Variants in ZXDC observed in about 807,000 individuals in gnomAD.
ZXDC encodes zinc finger protein ZXDC.
Under a neutral mutation model 63.6 loss-of-function variants are expected in ZXDC, and 58 were observed. The ratio of observed to expected loss-of-function variants is 0.91; its 90% CI spans 0.74 to 1.13. ZXDC has a LOEUF of 1.13. Ranked by LOEUF, ZXDC falls within the 50% of genes most tolerant of loss-of-function variation. The pLI is 0.00. For missense variants in ZXDC, 1,133 were observed against 1,148.9 expected (o/e 0.99, Z 0.20); for synonymous variants, 561 against 496.1 (o/e 1.13, Z -1.74).
At position 126,442,684 on chromosome 3, in the gene ZXDC, A is replaced by G. The variant is rs574936214; in HGVS notation, c.2213-738T>C. On this transcript the variant is annotated intron_variant, in intron 7 of 9. Coordinates refer to ENST00000389709, the MANE Select transcript of ZXDC (RefSeq NM_025112.5). Reference sequence around the variant, plus strand: ...CTCGGAAGGTTTTGGAGAGGATTTCATAGGAAATATGTGATCAAAACTTAG... The same window carrying G: ...CTCGGAAGGTTTTGGAGAGGATTTCGTAGGAAATATGTGATCAAAACTTAG... 3.9e-5 allele frequency: 6 copies of G among 152,276 alleles called. No homozygotes were observed. The South Asian group carries it at 1.0e-3, about 26-fold the overall frequency. The allele number at this position is 152,276 out of a possible 1,614,324, so 9.4% of individuals were successfully genotyped here.
At chr3:126,440,436 C>A (rs1362752722) in intron 8 of ZXDC, 8 of 985,374 alleles carry the variant, frequency 8.1e-6, no homozygotes, top group Non-Finnish European at 9.6e-6. Context: ...ACCAAGACTA[C>A]GCTAGCTGGT....
At chr3:126,470,761 T>A in intron 4 of ZXDC, 134 bp downstream of exon 4, 3 of 1,296,000 alleles carry the variant, frequency 2.3e-6, no homozygotes, top group South Asian at 1.4e-5. Context: ...ATGAGGTAAG[T>A]AAACATAATG....
chr3:126,472,097 A>G (rs1935001094), intron 2 of ZXDC, 46 bp from the exon 3 acceptor site: 1 of 1,609,620 alleles, frequency 6.2e-7, no homozygotes, highest in South Asian at 1.1e-5. Flanking sequence ...CAACTCCAAC[A>G]GCTACGATGA....
At chr3:126,467,725 A>G (rs1221732876) in intron 4 of ZXDC, among the ~76,000 whole-genome samples, 1 of 152,172 alleles carries the variant, frequency 6.6e-6, no homozygotes, top group Non-Finnish European at 1.5e-5. Flanking sequence ...GCAAGCGCGC[A>G]GTTTCCTCTG....
Position 126,464,385 on chromosome 3 carries a change from G to A in ZXDC, c.1441+1770C>T, listed in dbSNP as rs142311928. Among the ~76,000 whole-genome samples, 1,423 of 152,220 alleles carry A rather than the reference G, an allele frequency of 9.3e-3. 11 individuals are homozygous for A. Among genetic ancestry groups the A allele is most frequent in the Admixed American group, 0.016 (249 of 15,296 alleles). Reference sequence around the variant, plus strand: ...AAAGCAGTGAGGAACCCACTCCCAGGACCACCATTAGGGGGACTGAAACAA... The same window carrying A: ...AAAGCAGTGAGGAACCCACTCCCAGAACCACCATTAGGGGGACTGAAACAA... On this transcript the variant is annotated intron_variant, in intron 5 of 9. Coordinates refer to ENST00000389709, the MANE Select transcript of ZXDC (RefSeq NM_025112.5).
chr3:126,445,371 G>A (rs1416928292), intron 7 of ZXDC, among the ~76,000 whole-genome samples: 4 of 151,840 alleles, frequency 2.6e-5, no homozygotes, highest in South Asian at 2.1e-4. Context: ...ACATCTCAGC[G>A]TCCACCCCTA....
intron 7 of ZXDC, chr3:126,457,222 GTGA>G (rs2107642859): frequency 1.0e-6 from 1 of 979,084 alleles, no homozygotes; most frequent in East Asian, 1.1e-4. Context: ...ACTCTCAGCT[GTGA>G]TAAATGCAGC....
chr3:126,473,727 A>C (rs1935067733), intron 1 of ZXDC, among the ~76,000 whole-genome samples: 1 of 152,160 alleles, frequency 6.6e-6, no homozygotes, highest in African/African-American at 2.4e-5. Flanking sequence ...TTCTCATCTC[A>C]TCCTTTAAAA....
At position 126,462,182 on chromosome 3, in the gene ZXDC, G is replaced by C. The variant is rs1402869493; in HGVS notation, c.1480C>G (p.Pro494Ala). 1 of 1,606,436 alleles carries C rather than the reference G, an allele frequency of 6.2e-7. No homozygotes were observed. The highest frequency in any genetic ancestry group is 1.1e-5 in the South Asian group (1 of 90,760). Residue 494 changes from proline to alanine, a missense_variant, in exon 6 of 10, where the codon CCC (proline) becomes GCC (alanine). Coordinates refer to ENST00000389709, the MANE Select transcript of ZXDC (RefSeq NM_025112.5). ...PQLEAPSSLT[P>A]SSELSSPGQS... ...CCTGGGCTGCTGAGTTCACTGCTGG[G>C]AGTAAGAGAACTCGGAGCTTCTAGC...
chr3:126,455,738 C>T (rs919890287), intron 7 of ZXDC, among the ~76,000 whole-genome samples: 2 of 152,158 alleles, frequency 1.3e-5, no homozygotes, highest in Non-Finnish European at 2.9e-5. Flanking sequence ...TGGCTCACGC[C>T]TGTAATCCCA....
At chr3:126,460,542 C>T (rs1197783083) in intron 6 of ZXDC, 9 of 985,238 alleles carry the variant, frequency 9.1e-6, no homozygotes, top group Non-Finnish European at 1.1e-5. Context: ...CCCAAGGCAC[C>T]GAGGCACACA....
intron 7 of ZXDC, among the ~76,000 whole-genome samples, chr3:126,444,315 A>G (rs533959014): frequency 2.9e-3 from 448 of 152,296 alleles, no homozygotes; most frequent in South Asian, 0.018. Context: ...GGCAGATTAC[A>G]AGGTCAGGAG....
In ZXDC at chr3:126,475,288, T is replaced by C. The variant is rs764822751; in HGVS notation, c.578A>G (p.Lys193Arg). The change falls in exon 1 of 10, where the codon AAG (lysine) becomes AGG (arginine). Residue 193 changes from lysine (K) to arginine (R), a missense_variant. Lys to Arg is a conservative substitution (Grantham distance 26). Coordinates refer to ENST00000389709, the MANE Select transcript of ZXDC (RefSeq NM_025112.5). ...GCCGCCGTGCGTGAGCAGGTGCACC[T>C]TGAGCTGGTGCTTCTTGGCGAAGGC... is the stretch of plus-strand genomic sequence containing the variant. ...ALAFAKKHQL[K>R]VHLLTHGGGQ... 10 of 1,550,878 alleles carry C rather than the reference T, an allele frequency of 6.4e-6. No individual in the cohort carries two copies. The highest frequency in any genetic ancestry group is 3.6e-5 in the South Asian group (3 of 84,166).
intron 4 of ZXDC, among the ~76,000 whole-genome samples, chr3:126,469,939 A>G (rs1333024266): frequency 1.3e-5 from 2 of 152,202 alleles, no homozygotes; most frequent in African/African-American, 2.4e-5. Context: ...TCTTCCAGGT[A>G]AGGAAACCAA....
chr3:126,439,193 G>A (rs1407111021), intron 9 of ZXDC, among the ~76,000 whole-genome samples: 3 of 152,200 alleles, frequency 2.0e-5, no homozygotes, highest in Admixed American at 1.3e-4. Flanking sequence ...ATATAAACAC[G>A]TAAGGCAAAC....
intron 6 of ZXDC, chr3:126,460,006 C>T (rs1934462369): frequency 1.0e-6 from 1 of 985,346 alleles, no homozygotes; most frequent in African/African-American, 1.7e-5. Context: ...ATATTTTAAA[C>T]AGAAACTTTT....
intron 6 of ZXDC, chr3:126,460,092 G>A (rs1272350120): frequency 1.6e-5 from 16 of 985,218 alleles, no homozygotes; most frequent in East Asian, 1.1e-4. Flanking sequence ...TCACCTTACC[G>A]CGACACTTTT....
Position 126,459,742 on chromosome 3 carries a change from G to T in ZXDC, c.2128-5C>A, listed in dbSNP as rs1338745422. On this transcript the variant is annotated splice_polypyrimidine_tract_variant and splice_region_variant and intron_variant, in intron 6 of 9. Coordinates refer to ENST00000389709, the MANE Select transcript of ZXDC (RefSeq NM_025112.5). ...TCTTGCTGAGCCCCCACTTTCCTGA[G>T]ACCAAAGAAAAGCATGTCAGTCACT... is the stretch of plus-strand genomic sequence containing the variant. 2.5e-6 allele frequency: 4 copies of T among 1,614,118 alleles called. No individual in the cohort carries two copies. In the East Asian group the frequency reaches 8.9e-5, roughly 36 times the overall value.
intron 7 of ZXDC, among the ~76,000 whole-genome samples, chr3:126,456,096 A>G (rs1300029304): frequency 6.6e-6 from 1 of 152,242 alleles, no homozygotes; most frequent in African/African-American, 2.4e-5. Context: ...AAAATTAATA[A>G]GTACACAAGA....
Sources: gnomAD v4.1 joint callset for allele counts (sites outside exome capture counted in the v4.1 genomes callset) on GRCh38, gnomAD v4.1.1 for gene constraint, MANE v1.5 for transcripts, NCBI Gene and HGNC (gene_info 2026-07-23, HGNC 2026-07-21) for gene names.